Variants in RBMS1 observed in about 807,000 individuals in gnomAD.
RBMS1 encodes RNA binding motif single stranded interacting protein 1, also known as RNA-binding motif, single-stranded-interacting protein 1.
RBMS1 carries 17 observed loss-of-function variants against 62.3 expected under a neutral mutation model. The observed-to-expected ratio is 0.27, with a 90% CI of 0.19 to 0.41. The LOEUF (loss-of-function observed/expected upper bound fraction) is 0.41, where lower values mean the gene tolerates loss of function less well. Among genes scored for constraint, RBMS1 ranks in the 10% least tolerant of loss-of-function variants. RBMS1 has a pLI of 1.00. For synonymous variants in RBMS1, 172 were observed against 170.0 expected (o/e 1.01, Z -0.09); for missense variants, 334 against 504.5 (o/e 0.66, Z 3.24).
chr2:160,360,543 A>G (rs940436132), intron 2 of RBMS1, among the ~76,000 whole-genome samples: 13 of 152,054 alleles, frequency 8.5e-5, no homozygotes, highest in African/African-American at 2.9e-4. Flanking sequence ...CTTTACACCC[A>G]CTGACACCCC....
chr2:160,463,245 A>G lies in RBMS1; in HGVS notation c.75+30044T>C, dbSNP rs886839467. On this transcript the variant is annotated intron_variant, in intron 1 of 13. Transcript: ENST00000348849. ...GTTCAAAAAGATGTTCAGAGTGGTC[A>G]GGATGGTTAATCCAATAACTGTGAA... is the stretch of plus-strand genomic sequence containing the variant. Among the ~76,000 whole-genome samples, 7 of 152,366 alleles carry G rather than the reference A, an allele frequency of 4.6e-5. No homozygotes were observed. In the South Asian group the frequency reaches 1.4e-3, roughly 32 times the overall value.
intron 4 of RBMS1, 55 bp downstream of exon 4, chr2:160,313,101 G>A (rs368031851): frequency 3.8e-5 from 59 of 1,536,364 alleles, no homozygotes; most frequent in Admixed American, 1.0e-4. Flanking sequence ...CAGACCTGTC[G>A]GGCTTCACAA....
chr2:160,451,592 G>T (rs1314616209), intron 1 of RBMS1, among the ~76,000 whole-genome samples: 1 of 151,930 alleles, frequency 6.6e-6, no homozygotes, highest in African/African-American at 2.4e-5. Context: ...AACGTTTAAT[G>T]CAGCACTGTT....
At chr2:160,334,747 C>G (rs1447890588) in intron 2 of RBMS1, among the ~76,000 whole-genome samples, 1 of 152,012 alleles carries the variant, frequency 6.6e-6, no homozygotes, top group Non-Finnish European at 1.5e-5. Flanking sequence ...GGAGATGAAA[C>G]AGAAAAAGTT....
chr2:160,422,184 A>G (rs1054066369), intron 1 of RBMS1, among the ~76,000 whole-genome samples: 1 of 152,222 alleles, frequency 6.6e-6, no homozygotes, highest in African/African-American at 2.4e-5. Flanking sequence ...ATCATCATTT[A>G]TTTACCTTCT....
chr2:160,332,985 C>T (rs1198353901), intron 2 of RBMS1, among the ~76,000 whole-genome samples: 1 of 151,738 alleles, frequency 6.6e-6, no homozygotes, highest in Non-Finnish European at 1.5e-5. Context: ...TATACACACA[C>T]ATACATAAAA....
At chr2:160,384,075 T>C (rs527664631) in intron 1 of RBMS1, among the ~76,000 whole-genome samples, 4 of 152,176 alleles carry the variant, frequency 2.6e-5, no homozygotes, top group Non-Finnish European at 5.9e-5. Flanking sequence ...CAGGTGCCTG[T>C]AGTCCCAGCT....
intron 1 of RBMS1, among the ~76,000 whole-genome samples, chr2:160,439,916 G>A (rs13032088): frequency 0.5 from 75,528 of 150,518 alleles, 19,897 homozygotes; most frequent in Admixed American, 0.62. Flanking sequence ...CCAGTCAGGC[G>A]TGGCGGCGCG....
intron 1 of RBMS1, among the ~76,000 whole-genome samples, chr2:160,396,537 CTTTTCT>C (rs1184221788): frequency 5.7e-4 from 81 of 141,240 alleles, no homozygotes; most frequent in South Asian, 9.9e-4. Flanking sequence ...CTCCCAGGGA[CTTTTCT>C]TTTTATCTTT....
intron 1 of RBMS1, chr2:160,407,338 G>A: frequency 1.0e-6 from 1 of 985,002 alleles, no homozygotes; most frequent in Non-Finnish European, 1.2e-6. Context: ...CCCCGCGGCC[G>A]CCTTCCTGGG....
intron 1 of RBMS1, among the ~76,000 whole-genome samples, chr2:160,375,460 G>C (rs1693946446): frequency 6.6e-6 from 1 of 152,188 alleles, no homozygotes; most frequent in Non-Finnish European, 1.5e-5. Context: ...CCTGAAACCA[G>C]AGTATCCTTA....
At chr2:160,480,791 A>G (rs1685333011) in intron 1 of RBMS1, among the ~76,000 whole-genome samples, 1 of 152,206 alleles carries the variant, frequency 6.6e-6, no homozygotes, top group Non-Finnish European at 1.5e-5. Flanking sequence ...TGCTACAGTA[A>G]TTAGTATTGA....
chr2:160,470,319 A>G (rs1684865181), intron 1 of RBMS1, among the ~76,000 whole-genome samples: 1 of 152,206 alleles, frequency 6.6e-6, no homozygotes, highest in African/African-American at 2.4e-5. Flanking sequence ...TATCAACCAC[A>G]TCAATTTGTT....
intron 1 of RBMS1, among the ~76,000 whole-genome samples, chr2:160,469,159 C>G (rs951236265): frequency 7.2e-5 from 11 of 152,240 alleles, no homozygotes; most frequent in Admixed American, 5.9e-4. Context: ...AGGAAATAAA[C>G]TACATACAAA....
intron 4 of RBMS1, among the ~76,000 whole-genome samples, chr2:160,303,932 G>A (rs1689349778): frequency 6.6e-6 from 1 of 151,940 alleles, no homozygotes; most frequent in Non-Finnish European, 1.5e-5. Context: ...CATCCAATAG[G>A]GATCTGCCTA....
chr2:160,450,564 G>GAAAAAAAA (rs1181640365), intron 1 of RBMS1, among the ~76,000 whole-genome samples: 6 of 56,566 alleles, frequency 1.1e-4, no homozygotes, highest in African/African-American at 1.6e-4. Context: ...AATAAAAAAT[G>GAAAAAAAA]AAAAAAAAAA....
At chr2:160,313,642 A>C (rs6718070) in intron 3 of RBMS1, among the ~76,000 whole-genome samples, 113,147 of 152,014 alleles carry the variant, frequency 0.74, 42,930 homozygotes, top group East Asian at 0.83. Context: ...AAAGATGGAG[A>C]CATCCTACAG....
intron 1 of RBMS1, among the ~76,000 whole-genome samples, chr2:160,436,880 G>A (rs1411016554): frequency 6.6e-6 from 1 of 152,144 alleles, no homozygotes; most frequent in African/African-American, 2.4e-5. Flanking sequence ...TGGGCTCCTG[G>A]AAAAGCATAG....
chr2:160,395,623 CA>C (rs776181927), intron 1 of RBMS1, among the ~76,000 whole-genome samples: 1,230 of 53,058 alleles, frequency 0.023, 3 homozygotes, highest in South Asian at 0.079. Flanking sequence ...GACTCCGTCT[CA>C]AAAAAAAAAA....
Sources: gnomAD v4.1 joint callset for allele counts (sites outside exome capture counted in the v4.1 genomes callset) on GRCh38, gnomAD v4.1.1 for gene constraint, MANE v1.5 for transcripts, NCBI Gene and HGNC (gene_info 2026-07-23, HGNC 2026-07-21) for gene names.